Variants in SLC12A9 observed in about 807,000 individuals in gnomAD.
SLC12A9 encodes CCC-interacting protein 1.
In SLC12A9, 55 loss-of-function variants were observed where a neutral mutation model predicts 66.0. That is an observed-to-expected ratio of 0.83 (90% CI 0.67 to 1.04). The LOEUF (loss-of-function observed/expected upper bound fraction) is 1.04. Ranked by LOEUF, SLC12A9 falls within the 50% of genes least tolerant of loss-of-function variation. The probability of loss-of-function intolerance (pLI) is 0.00; values close to 1 mark genes in which losing one functional copy is unlikely to be tolerated. For synonymous variants in SLC12A9, 577 were observed against 569.0 expected, an observed-to-expected ratio of 1.01 and a Z score of -0.20; for missense variants, 1,061 against 1,241.9, an observed-to-expected ratio of 0.85 and a Z score of 2.19.
chr7:100,848,801 G>A (rs750313658), upstream of SLC12A9, among the ~76,000 whole-genome samples: 6 of 151,818 alleles, frequency 4.0e-5, no homozygotes, highest in African/African-American at 7.3e-5. Flanking sequence ...CAGGAGAATC[G>A]CTTCAACCTG....
In SLC12A9 at chr7:100,854,753, C is replaced by T; in HGVS notation, c.315C>T (p.Tyr105=). 1.2e-6 allele frequency: 2 copies of T among 1,613,932 alleles called. No homozygotes were observed. The highest frequency in any genetic ancestry group is 1.1e-5 in the South Asian group (1 of 91,082). ...GAGCCGTGCAGGGGGGCGGAGCCTA[C>T]TGTATCCTCCAACATCGATGGACTG... is the stretch of plus-strand genomic sequence containing the variant. ...TNGAVQGGGA[Y]FMISRTLGPE... The change falls in exon 3 of 14, where the codon TAC becomes TAT. Residue 105 remains tyrosine, a splice_region_variant and synonymous_variant. Coordinates refer to ENST00000354161, the MANE Select transcript of SLC12A9 (RefSeq NM_020246.4).
chr7:100,840,607 CAG>C (rs1035911426), intron 1 of SLC12A9, among the ~76,000 whole-genome samples: 1 of 150,948 alleles, frequency 6.6e-6, no homozygotes. Context: ...GAGGAAGAGA[CAG>C]AGAGGAAAAG....
rs112191049 is a variant in SLC12A9 at position 100,866,967 on chromosome 7, AT to A, written c.*367del. 82 of 234,110 alleles carry A rather than the reference AT, an allele frequency of 3.5e-4. 1 individual carries two copies. Among genetic ancestry groups the A allele is most frequent in the African/African-American group, 1.7e-3 (71 of 42,234 alleles). The allele number at this position is 234,110 out of a possible 1,614,324, so 14.5% of individuals were successfully genotyped here. On this transcript the variant is annotated 3_prime_UTR_variant, in exon 14 of 14. Transcript: ENST00000354161. This position sits in a 1 kb window ranked among gnomAD's most constrained non-coding sequence, Gnocchi z 7.3. Reference sequence around the variant, plus strand: ...GGTGGTGATGTTTTCGTTCTGTTTTATTTTTCTAACTCTGCTGACCATGAAT... The same window carrying A: ...GGTGGTGATGTTTTCGTTCTGTTTTATTTTCTAACTCTGCTGACCATGAAT...
chr7:100,832,861 G>A (rs762314704), intron 1 of SLC12A9, among the ~76,000 whole-genome samples: 22 of 151,476 alleles, frequency 1.5e-4, no homozygotes, highest in Non-Finnish European at 2.5e-4. Context: ...CTGCAGCCTC[G>A]AACTCCCAGG....
chr7:100,848,499 A>AAATAAAT (rs1554425416), upstream of SLC12A9, among the ~76,000 whole-genome samples: 4 of 145,614 alleles, frequency 2.7e-5, no homozygotes, highest in Admixed American at 2.1e-4. Flanking sequence ...CCAAGTCTCA[A>AAATAAAT]AAATAAATAA....
intron 1 of SLC12A9, among the ~76,000 whole-genome samples, chr7:100,839,306 AGAGT>A (rs1172377630): frequency 6.6e-6 from 1 of 152,110 alleles, no homozygotes; most frequent in Non-Finnish European, 1.5e-5. Flanking sequence ...CCTGGGCGAC[AGAGT>A]GAGACTCCGT....
At chr7:100,857,236 G>A (rs1448794468) in intron 5 of SLC12A9, 60 bp downstream of exon 5, 30 of 1,548,792 alleles carry the variant, frequency 1.9e-5, no homozygotes, top group Middle Eastern at 2.3e-4. Context: ...ACGTCGGGCC[G>A]GGCCCGTAAA....
upstream of SLC12A9, among the ~76,000 whole-genome samples, chr7:100,848,123 A>G (rs913874820): frequency 1.4e-5 from 2 of 147,250 alleles, no homozygotes; most frequent in African/African-American, 2.5e-5. Context: ...AAAAGATGGT[A>G]GTAGATTGTT....
Position 100,861,321 on chromosome 7 carries a change from G to C in SLC12A9, c.1343+59G>C. 6.2e-7 allele frequency: 1 copy of C among 1,612,610 alleles called. No individual in the cohort carries two copies. Among genetic ancestry groups the C allele is most frequent in the Non-Finnish European group, 8.5e-7 (1 of 1,178,880 alleles). On this transcript the variant is annotated intron_variant, in intron 10 of 13. Coordinates refer to ENST00000354161, the MANE Select transcript of SLC12A9 (RefSeq NM_020246.4). The surrounding 1 kb of genome is among the most constrained non-coding windows in gnomAD (Gnocchi z 5.3). ...GAAGGGAGGACTCGGGCTCAGGCGT[G>C]GGGCTGGGGACTGCAGCCTCGTGTG...
At chr7:100,844,148 TC>T (rs558710638) in intron 1 of SLC12A9, among the ~76,000 whole-genome samples, 23 of 152,266 alleles carry the variant, frequency 1.5e-4, no homozygotes, top group African/African-American at 4.6e-4. Context: ...TGAGGACTGT[TC>T]CCAGTATATA....
At chr7:100,840,992 C>T (rs954470411) in intron 1 of SLC12A9, among the ~76,000 whole-genome samples, 1 of 135,034 alleles carries the variant, frequency 7.4e-6, no homozygotes, top group Non-Finnish European at 1.6e-5. Context: ...TTGCTAACAA[C>T]AAAAAAAAAG....
intron 13 of SLC12A9, 108 bp downstream of exon 13, chr7:100,862,935 T>G: frequency 2.2e-6 from 3 of 1,375,782 alleles, no homozygotes; most frequent in Non-Finnish European, 3.0e-6. Context: ...CAAAAGGACC[T>G]TATAGTCGAG....
chr7:100,845,909 A>C (rs1813901207), intron 1 of SLC12A9, among the ~76,000 whole-genome samples: 1 of 152,220 alleles, frequency 6.6e-6, no homozygotes, highest in Non-Finnish European at 1.5e-5. Flanking sequence ...ATCACTAATA[A>C]AACCAGCAGA....
chr7:100,834,733 C>T (rs1297985582), intron 1 of SLC12A9, among the ~76,000 whole-genome samples: 1 of 151,748 alleles, frequency 6.6e-6, no homozygotes, highest in Non-Finnish European at 1.5e-5. Flanking sequence ...ATTAGCCAGG[C>T]GTGGTGGAGC....
intron 1 of SLC12A9, among the ~76,000 whole-genome samples, chr7:100,842,578 T>C (rs765506996): frequency 2.0e-5 from 3 of 152,244 alleles, no homozygotes; most frequent in Non-Finnish European, 4.4e-5. Context: ...AAAGATGGAC[T>C]GCCCCAACCG....
At chr7:100,837,860 T>G (rs1466481291) in intron 1 of SLC12A9, among the ~76,000 whole-genome samples, 38 of 139,422 alleles carry the variant, frequency 2.7e-4, no homozygotes, top group Middle Eastern at 3.6e-3. Context: ...AATTTTTTTT[T>G]TTTTTTTTTT....
rs938149676 is a variant in SLC12A9, at chr7:100,827,572, G to A, written n.228+525G>A. The A allele has an allele frequency of 2.0e-5, 3 of 152,502 alleles. No individual in the cohort carries two copies. In the Admixed American group the frequency reaches 2.0e-4, roughly 10 times the overall value. 9.4% of individuals were successfully genotyped at this position (152,502 alleles called of 1,614,324 possible). A position where few individuals can be genotyped will look rare whatever the true frequency, so the allele number is the denominator to read the frequency against. ...GAGGGAGGGGCGCGCGGGGGGCGGG[G>A]GCAGCTCTCCCAACGCGGGGGCTCC... On this transcript the variant is annotated intron_variant and non_coding_transcript_variant, in intron 1 of 1. Coordinates refer to the SLC12A9 transcript ENST00000461016.
chr7:100,866,453 A>G lies in SLC12A9; in HGVS notation c.2593A>G (p.Ile865Val). The G allele has an allele frequency of 6.4e-7, 1 of 1,550,526 alleles. No homozygotes were observed. Among genetic ancestry groups the G allele is most frequent in the Non-Finnish European group, 8.7e-7 (1 of 1,147,396 alleles). ...GGAGGGTGGGGATGCTGAGGGCCCC[A>G]TCACAGCCCTCACCTTCCTGTACTT... The part of the protein sequence containing the change: ...GPEGGDAEGP[I>V]TALTFLYLPR... Residue 865 changes from isoleucine (I) to valine (V), a missense_variant, in exon 14 of 14, where the codon ATC becomes GTC. By Grantham distance (29) the Ile-to-Val change is conservative (BLOSUM62 3). Transcript: ENST00000354161. This position sits in a 1 kb window ranked among gnomAD's most constrained non-coding sequence, Gnocchi z 7.3.
chr7:100,856,897 C>T lies in SLC12A9; in HGVS notation c.478C>T (p.Leu160=). 1 of 1,607,032 alleles carries T rather than the reference C, an allele frequency of 6.2e-7. No individual in the cohort carries two copies. The highest frequency in any genetic ancestry group is 8.5e-7 in the Non-Finnish European group (1 of 1,178,344). ...CACAGGGCCCAGTGGGCTCCGGGTC[C>T]TGCCCCAGGGCTACGGCTGGAACCT... The part of the protein sequence containing the change: ...DATGPSGLRV[L]PQGYGWNLLY... Residue 160 remains leucine (L), a synonymous_variant, in exon 5 of 14, where the codon CTG becomes TTG. Coordinates refer to ENST00000354161, the MANE Select transcript of SLC12A9 (RefSeq NM_020246.4).
Sources: allele counts gnomAD v4.1 joint callset (sites outside exome capture counted in the v4.1 genomes callset), GRCh38; gene constraint gnomAD v4.1.1; non-coding constraint Gnocchi (gnomAD v3.1); transcripts MANE v1.5; gene names NCBI Gene and HGNC (gene_info 2026-07-23, HGNC 2026-07-21).